RALGPS1: variants seen among roughly 807,000 people sequenced by gnomAD.
The protein encoded by RALGPS1 is ras-specific guanine nucleotide-releasing factor RalGPS1.
In RALGPS1, 19 loss-of-function variants were observed where a neutral mutation model predicts 78.8. That is an observed-to-expected ratio of 0.24 (90% CI 0.17 to 0.35). The LOEUF is 0.35. RALGPS1 is among the 10% of genes least tolerant of loss of function. The pLI, the probability that RALGPS1 is intolerant of heterozygous loss-of-function variation, is 1.00. For missense variants in RALGPS1, 454 were observed against 688.3 expected, an observed-to-expected ratio of 0.66 and a Z score of 3.81; for synonymous variants, 228 against 256.3, an observed-to-expected ratio of 0.89 and a Z score of 1.06.
At chr9:127,160,493 C>G (rs1391969192) in intron 8 of RALGPS1, among the ~76,000 whole-genome samples, 1 of 152,208 alleles carries the variant, frequency 6.6e-6, no homozygotes, top group Non-Finnish European at 1.5e-5. Context: ...GCAGTGTCAC[C>G]AGGCCCTGTG....
At position 127,183,743 on chromosome 9, in the gene RALGPS1, A is replaced by T; in HGVS notation, c.910+8961A>T. The T allele has an allele frequency of 1.2e-6, 1 of 808,294 alleles. No homozygotes were observed. Among genetic ancestry groups the T allele is most frequent in the Non-Finnish European group, 1.9e-6 (1 of 524,332 alleles). 50.1% of individuals were successfully genotyped at this position (808,294 alleles called of 1,614,324 possible). On this transcript the variant is annotated intron_variant, in intron 11 of 18. Coordinates refer to ENST00000259351, the MANE Select transcript of RALGPS1 (RefSeq NM_014636.3). This position sits in a 1 kb window ranked among gnomAD's most constrained non-coding sequence, Gnocchi z 4.0. Reference sequence around the variant, plus strand: ...CATGTGCTCCTCTCTCTGGAAACATACTCTCTCTGCCCGTTTATATTTTCG... The same window carrying T: ...CATGTGCTCCTCTCTCTGGAAACATTCTCTCTCTGCCCGTTTATATTTTCG...
chr9:127,021,045 C>G (rs578117818), intron 4 of RALGPS1, among the ~76,000 whole-genome samples: 3 of 152,114 alleles, frequency 2.0e-5, no homozygotes, highest in Admixed American at 2.0e-4. Flanking sequence ...TATTATAAAC[C>G]AAAATGTAAA....
At chr9:126,985,206 C>T (rs2041682360) in intron 4 of RALGPS1, among the ~76,000 whole-genome samples, 1 of 152,130 alleles carries the variant, frequency 6.6e-6, no homozygotes, top group Non-Finnish European at 1.5e-5. Flanking sequence ...CTTTCCTTTT[C>T]CATGATGTAT....
chr9:127,177,553 G>C (rs2059951961), intron 11 of RALGPS1, among the ~76,000 whole-genome samples: 2 of 150,930 alleles, frequency 1.3e-5, no homozygotes, highest in Admixed American at 1.3e-4. Flanking sequence ...CCCTGCCTCA[G>C]CCTCAGCCTC....
At chr9:127,067,137 A>C (rs576342520) in intron 7 of RALGPS1, among the ~76,000 whole-genome samples, 1 of 152,270 alleles carries the variant, frequency 6.6e-6, no homozygotes, top group Non-Finnish European at 1.5e-5. Flanking sequence ...GGCTTTGTGA[A>C]GATTAGATGA....
intron 1 of RALGPS1, among the ~76,000 whole-genome samples, chr9:126,928,417 T>C (rs1185843873): frequency 7.9e-5 from 12 of 152,092 alleles, no homozygotes; most frequent in Non-Finnish European, 7.4e-5. Context: ...ACCCAAATGC[T>C]GGGCAAAGAG....
intron 14 of RALGPS1, among the ~76,000 whole-genome samples, chr9:127,209,229 T>C (rs1469469116): frequency 6.6e-6 from 1 of 152,252 alleles, no homozygotes; most frequent in Non-Finnish European, 1.5e-5. Context: ...GAGGTAGCCG[T>C]GGCCAGTTCC....
At chr9:126,978,983 G>A (rs1400994770) in intron 4 of RALGPS1, among the ~76,000 whole-genome samples, 1 of 152,204 alleles carries the variant, frequency 6.6e-6, no homozygotes, top group Non-Finnish European at 1.5e-5. Context: ...GACCTCAGAG[G>A]AGAGGAGTGT....
intron 1 of RALGPS1, among the ~76,000 whole-genome samples, chr9:126,961,890 C>T (rs2038931247): frequency 6.6e-6 from 1 of 152,190 alleles, no homozygotes; most frequent in South Asian, 2.1e-4. Flanking sequence ...CTCAAAGGCC[C>T]TGCTCCAATC....
At chr9:127,193,343 G>A (rs1448213937) in intron 11 of RALGPS1, among the ~76,000 whole-genome samples, 6 of 152,188 alleles carry the variant, frequency 3.9e-5, no homozygotes, top group Admixed American at 1.3e-4. Flanking sequence ...GGGGCACTGA[G>A]GAAAGAAGTG....
intron 1 of RALGPS1, among the ~76,000 whole-genome samples, chr9:126,959,645 G>A (rs1177275733): frequency 6.6e-6 from 1 of 150,926 alleles, no homozygotes; most frequent in Non-Finnish European, 1.5e-5. Context: ...TTGGAAAAGT[G>A]CAGAGACTGG....
intron 8 of RALGPS1, among the ~76,000 whole-genome samples, chr9:127,156,804 G>A (rs541558070): frequency 3.9e-5 from 6 of 152,000 alleles, no homozygotes; most frequent in South Asian, 2.1e-4. Flanking sequence ...AAGCCTTTGC[G>A]TACCTCAGCA....
intron 11 of RALGPS1, among the ~76,000 whole-genome samples, chr9:127,185,991 A>G (rs2060619438): frequency 6.6e-6 from 1 of 152,220 alleles, no homozygotes; most frequent in African/African-American, 2.4e-5. Flanking sequence ...TGCAAATGGC[A>G]GACACAGGTG....
chr9:126,962,314 G>T lies in RALGPS1; in HGVS notation c.25G>T (p.Ala9Ser). The T allele has an allele frequency of 1.2e-6, 2 of 1,614,166 alleles. No homozygotes were observed. Among genetic ancestry groups the T allele is most frequent in the Non-Finnish European group, 1.7e-6 (2 of 1,180,016 alleles). The change falls in exon 2 of 19, where the codon GCT becomes TCT. Residue 9 changes from alanine to serine, a missense_variant. By Grantham distance (99) the Ala-to-Ser change is moderately conservative. Transcript: ENST00000259351. MYKRNGLMASVLVTSATPQ... is the reference protein window; with the variant it reads MYKRNGLMSSVLVTSATPQ... ...TATGTACAAGAGGAATGGTCTGATGGCTAGCGTGTTGGTCACCTCTGCCAC... is the reference window on the plus strand; with the variant it reads ...TATGTACAAGAGGAATGGTCTGATGTCTAGCGTGTTGGTCACCTCTGCCAC...
chr9:126,959,713 A>G (rs764774104), intron 1 of RALGPS1, among the ~76,000 whole-genome samples: 20 of 151,986 alleles, frequency 1.3e-4, no homozygotes, highest in Non-Finnish European at 2.2e-4. Flanking sequence ...TCATGCTGGC[A>G]TATTTGCCTT....
chr9:127,023,994 G>T (rs193196299), intron 4 of RALGPS1, among the ~76,000 whole-genome samples: 1 of 124,730 alleles, frequency 8.0e-6, no homozygotes, highest in Non-Finnish European at 1.6e-5. Context: ...CTGAGATCGC[G>T]CCACTGCACT....
chr9:126,970,627 G>A (rs199750588), intron 3 of RALGPS1, among the ~76,000 whole-genome samples: 1 of 136,046 alleles, frequency 7.4e-6, no homozygotes, highest in East Asian at 2.1e-4. Flanking sequence ...GTGTGTGTGT[G>A]TGTGTATGTG....
chr9:126,997,997 T>TA (rs1554781002), intron 4 of RALGPS1, among the ~76,000 whole-genome samples: 1 of 152,230 alleles, frequency 6.6e-6, no homozygotes, highest in Non-Finnish European at 1.5e-5. Context: ...ATCCCTTCCT[T>TA]ACATGTTATA....
intron 1 of RALGPS1, among the ~76,000 whole-genome samples, chr9:126,915,901 A>T (rs181046832): frequency 6.6e-6 from 1 of 152,088 alleles, no homozygotes; most frequent in Non-Finnish European, 1.5e-5. Flanking sequence ...GCTGCTGTAG[A>T]TCTCAGCAGT....
Sources: allele counts gnomAD v4.1 joint callset (sites outside exome capture counted in the v4.1 genomes callset), GRCh38; gene constraint gnomAD v4.1.1; non-coding constraint Gnocchi (gnomAD v3.1); transcripts MANE v1.5; gene names NCBI Gene and HGNC (gene_info 2026-07-23, HGNC 2026-07-21).